Variants in CPEB1 observed in about 807,000 individuals in gnomAD.
CPEB1 encodes the protein cytoplasmic polyadenylation element binding protein 1.
Under a neutral mutation model 65.8 loss-of-function variants are expected in CPEB1, and 7 were observed. The ratio of observed to expected loss-of-function variants is 0.11; its 90% confidence interval spans 0.06 to 0.20. The LOEUF (loss-of-function observed/expected upper bound fraction) is 0.20. Ranked by LOEUF, CPEB1 falls within the 10% of genes least tolerant of loss-of-function variation. CPEB1 has a pLI of 1.00. For synonymous variants in CPEB1, 262 were observed against 260.0 expected (o/e 1.01, Z -0.08); for missense variants, 551 against 712.2 (o/e 0.77, Z 2.58).
chr15:82,610,981 A>AAAAAAAAAAAAAAAAAAAAAAAG (rs1567220262), intron 3 of CPEB1, among the ~76,000 whole-genome samples: 31 of 135,148 alleles, frequency 2.3e-4, no homozygotes, highest in African/African-American at 4.5e-4. Flanking sequence ...AAAAAAAAAA[A>AAAAAAAAAAAAAAAAAAAAAAAG]AAAAAAAGAA....
chr15:82,574,239 G>C (rs1377379802), intron 3 of CPEB1, among the ~76,000 whole-genome samples: 1 of 152,020 alleles, frequency 6.6e-6, no homozygotes, highest in Non-Finnish European at 1.5e-5. Flanking sequence ...TTCTTCACTA[G>C]CTCCAACTCA....
At chr15:82,636,824 T>C (rs1305040469) in intron 1 of CPEB1, among the ~76,000 whole-genome samples, 1 of 152,214 alleles carries the variant, frequency 6.6e-6, no homozygotes, top group East Asian at 1.9e-4. Context: ...ACCTCACTCA[T>C]AACCTTCATA....
At chr15:82,646,323 C>T (rs1209666932) in intron 1 of CPEB1, among the ~76,000 whole-genome samples, 2 of 152,196 alleles carry the variant, frequency 1.3e-5, no homozygotes, top group Non-Finnish European at 2.9e-5. Context: ...CTCTTCCCCA[C>T]CAACGACACA....
chr15:82,563,695 G>A (rs112626905), intron 4 of CPEB1, among the ~76,000 whole-genome samples: 5 of 152,200 alleles, frequency 3.3e-5, no homozygotes, highest in Admixed American at 1.3e-4. Context: ...GATACATGGA[G>A]AGAGAATGTG....
At chr15:82,642,346 G>A (rs2047178979) in intron 1 of CPEB1, among the ~76,000 whole-genome samples, 1 of 152,186 alleles carries the variant, frequency 6.6e-6, no homozygotes, top group Non-Finnish European at 1.5e-5. Flanking sequence ...TTGAGCCGAG[G>A]ATAAGCCTGG....
At chr15:82,647,523 G>A, upstream of CPEB1, 2 of 263,128 alleles carry the variant, frequency 7.6e-6, no homozygotes, top group South Asian at 1.7e-4. Flanking sequence ...GGGCGCCGGT[G>A]CTCCTTTATG....
At chr15:82,583,642 A>G (rs1483221809) in intron 3 of CPEB1, among the ~76,000 whole-genome samples, 1 of 151,650 alleles carries the variant, frequency 6.6e-6, no homozygotes, top group African/African-American at 2.4e-5. Flanking sequence ...ATAATCACAG[A>G]TGCAGGCAAA....
At chr15:82,590,209 C>CAAAAAAAAAAAAAAAAAAAAAAA (rs5814120) in intron 3 of CPEB1, among the ~76,000 whole-genome samples, 1 of 104,156 alleles carries the variant, frequency 9.6e-6, no homozygotes. Context: ...ATCCCTTTGA[C>CAAAAAAAAAAAAAAAAAAAAAAA]AAAAAAAAAA....
intron 3 of CPEB1, among the ~76,000 whole-genome samples, chr15:82,619,602 A>G (rs1173709607): frequency 6.6e-6 from 1 of 152,236 alleles, no homozygotes; most frequent in Non-Finnish European, 1.5e-5. Flanking sequence ...AAAAAGGTAG[A>G]TAACCCTAAG....
At chr15:82,566,483 GCCTGTGACC>G (rs2039143104) in intron 4 of CPEB1, among the ~76,000 whole-genome samples, 1 of 152,116 alleles carries the variant, frequency 6.6e-6, no homozygotes, top group Non-Finnish European at 1.5e-5. Context: ...AGACCACTCT[GCCTGTGACC>G]CCAAATCTGC....
At chr15:82,611,194 T>C (rs1567220483) in intron 3 of CPEB1, among the ~76,000 whole-genome samples, 1 of 151,866 alleles carries the variant, frequency 6.6e-6, no homozygotes, top group Non-Finnish European at 1.5e-5. Flanking sequence ...TTATAGATGA[T>C]ACACCCAGAA....
At chr15:82,632,406 T>C (rs2046337374) in intron 1 of CPEB1, among the ~76,000 whole-genome samples, 2 of 152,198 alleles carry the variant, frequency 1.3e-5, no homozygotes, top group East Asian at 3.8e-4. Flanking sequence ...CCATCATGAA[T>C]TCAGGTGTCT....
intron 10 of CPEB1, 125 bp downstream of exon 10, chr15:82,549,335 G>GC: frequency 1.2e-6 from 1 of 843,280 alleles, no homozygotes; most frequent in Non-Finnish European, 1.9e-6. Context: ...ATATTATGGT[G>GC]CTGGTATATG....
chr15:82,560,502 AC>A (rs1249506244), intron 4 of CPEB1, among the ~76,000 whole-genome samples: 2 of 146,130 alleles, frequency 1.4e-5, no homozygotes, highest in African/African-American at 5.1e-5. Flanking sequence ...CGATCTTCCC[AC>A]CTCAGCCTCT....
rs1383859431 is a variant in CPEB1, at chr15:82,557,947, C to T, written c.500G>A (p.Gly167Glu). The part of the protein sequence containing the change: ...MLHNPLGNVL[G>E]KPPLSFLPLD... The stretch of plus-strand genomic sequence containing the variant: ...AGGCAGGAAGCTCAAGGGGGGTTTT[C>T]CTAGGACATTTCCCAGTGGGTTATG... The change falls in exon 5 of 13, where the codon GGA becomes GAA. Residue 167 changes from glycine (G) to glutamate (E), a missense_variant. Physicochemically the swap from Gly to Glu is moderately conservative, Grantham distance 98 (BLOSUM62 -2). This residue lies in a region of CPEB1 where 223 missense variants were observed against 228.6 expected (regional missense o/e 0.98). Coordinates refer to ENST00000684509, the MANE Select transcript of CPEB1 (RefSeq NM_001365242.1). The T allele has an allele frequency of 4.3e-6, 7 of 1,613,298 alleles. No individual in the cohort carries two copies. Among genetic ancestry groups the T allele is most frequent in the Non-Finnish European group, 5.9e-6 (7 of 1,179,672 alleles).
At position 82,544,404 on chromosome 15, in the gene CPEB1, C is replaced by A; in HGVS notation, c.*188G>T. On this transcript the variant is annotated 3_prime_UTR_variant, in exon 13 of 13. Transcript: ENST00000684509. ...CTTGGTACACCCCCTGAAAACAAAA[C>A]CTGACAAAACTCAATGTGCATTAAT... 36 of 402,724 alleles carry A rather than the reference C, an allele frequency of 8.9e-5. No individual in the cohort carries two copies. The highest frequency in any genetic ancestry group is 1.5e-4 in the East Asian group (3 of 20,220). The allele number at this position is 402,724 out of a possible 1,614,324, so 24.9% of individuals were successfully genotyped here.
intron 3 of CPEB1, among the ~76,000 whole-genome samples, chr15:82,605,721 T>G (rs1390706932): frequency 6.6e-6 from 1 of 152,188 alleles, no homozygotes; most frequent in Non-Finnish European, 1.5e-5. Context: ...TATAAATCTG[T>G]ATTGATAGGC....
At chr15:82,587,887 T>C (rs2041925463) in intron 3 of CPEB1, among the ~76,000 whole-genome samples, 1 of 152,100 alleles carries the variant, frequency 6.6e-6, no homozygotes, top group African/African-American at 2.4e-5. Context: ...TCTAAGATTC[T>C]ACTATGAGGA....
At chr15:82,622,978 C>CT (rs1448580199) in intron 3 of CPEB1, among the ~76,000 whole-genome samples, 2 of 152,178 alleles carry the variant, frequency 1.3e-5, no homozygotes, top group African/African-American at 4.8e-5. Context: ...AGGGACAGCT[C>CT]TGTGACCTTT....
Sources: gnomAD v4.1 joint callset for allele counts (sites outside exome capture counted in the v4.1 genomes callset) on GRCh38, gnomAD v4.1.1 for gene constraint, gnomAD v4.1.1 regional missense constraint, MANE v1.5 for transcripts, NCBI Gene and HGNC (gene_info 2026-07-23, HGNC 2026-07-21) for gene names.